Variants in PTPRD observed in about 807,000 individuals in gnomAD.
The protein encoded by PTPRD is protein tyrosine phosphatase receptor type D.
PTPRD carries 34 observed loss-of-function variants against 214.5 expected under a neutral mutation model. The ratio of observed to expected loss-of-function variants is 0.16; its 90% CI spans 0.12 to 0.21. The LOEUF (loss-of-function observed/expected upper bound fraction) is 0.21, where lower values mean the gene tolerates loss of function less well. PTPRD is among the 10% of genes least tolerant of loss of function. The probability of loss-of-function intolerance (pLI) is 1.00; values close to 1 mark genes in which losing one functional copy is unlikely to be tolerated. For missense variants in PTPRD, 2,545 were observed against 2,398.7 expected (o/e 1.06, Z -1.27); for synonymous variants, 1,128 against 845.7 (o/e 1.33, Z -5.79).
chr9:9,381,772 A>G (rs1259313204), intron 9 of PTPRD, among the ~76,000 whole-genome samples: 1 of 150,686 alleles, frequency 6.6e-6, no homozygotes, highest in Non-Finnish European at 1.5e-5. Flanking sequence ...AGTTTGCACT[A>G]TAGCTTTGTT....
chr9:9,126,873 T>G (rs562395837), intron 10 of PTPRD, among the ~76,000 whole-genome samples: 2 of 152,320 alleles, frequency 1.3e-5, no homozygotes, highest in East Asian at 1.9e-4. Flanking sequence ...CATTCACTCT[T>G]TAACCCATTT....
chr9:10,474,437 T>G (rs915775961), intron 2 of PTPRD, among the ~76,000 whole-genome samples: 15 of 151,962 alleles, frequency 9.9e-5, no homozygotes, highest in Admixed American at 3.3e-4. Context: ...AAAGAAGAGC[T>G]AGCTATCCTA....
At chr9:10,503,841 G>C (rs1451273756) in intron 2 of PTPRD, among the ~76,000 whole-genome samples, 1 of 151,884 alleles carries the variant, frequency 6.6e-6, no homozygotes, top group Non-Finnish European at 1.5e-5. Context: ...CGAAGGCTGG[G>C]CGCGGGGGCT....
At chr9:9,417,975 G>C (rs899748703) in intron 8 of PTPRD, among the ~76,000 whole-genome samples, 3 of 151,916 alleles carry the variant, frequency 2.0e-5, no homozygotes, top group Non-Finnish European at 4.4e-5. Flanking sequence ...ATCTGATTTT[G>C]GTTTCACCTG....
At chr9:9,228,475 T>A (rs755358107) in intron 9 of PTPRD, among the ~76,000 whole-genome samples, 19 of 152,142 alleles carry the variant, frequency 1.2e-4, no homozygotes, top group Non-Finnish European at 2.2e-4. Flanking sequence ...TATGTTGATA[T>A]ATACAGTATA....
intron 6 of PTPRD, among the ~76,000 whole-genome samples, chr9:9,738,439 C>CTTTTTTTTTTTTTTTTTTTTT (rs71319292): frequency 1.3e-5 from 1 of 76,518 alleles, no homozygotes; most frequent in African/African-American, 6.4e-5. Flanking sequence ...CACTCACTCA[C>CTTTTTTTTTTTTTTTTTTTTT]TTTTTTTTTT....
intron 12 of PTPRD, among the ~76,000 whole-genome samples, chr9:8,701,775 A>G (rs937394389): frequency 6.6e-6 from 1 of 152,216 alleles, no homozygotes; most frequent in African/African-American, 2.4e-5. Context: ...GAATACTCTG[A>G]TGTGTTTACC....
At chr9:10,394,740 A>C in intron 2 of PTPRD, among the ~76,000 whole-genome samples, 1 of 151,324 alleles carries the variant, frequency 6.6e-6, no homozygotes, top group East Asian at 2.0e-4. Context: ...ACAATGATTT[A>C]AAATAAGCCA....
At chr9:10,593,611 G>A (rs1229098552) in intron 2 of PTPRD, among the ~76,000 whole-genome samples, 1 of 151,772 alleles carries the variant, frequency 6.6e-6, no homozygotes, top group African/African-American at 2.4e-5. Context: ...ATTTATTTAA[G>A]GCTATATCAT....
chr9:8,847,307 C>T (rs1474421465), intron 11 of PTPRD, among the ~76,000 whole-genome samples: 1 of 152,002 alleles, frequency 6.6e-6, no homozygotes, highest in Non-Finnish European at 1.5e-5. Flanking sequence ...TTAAACTTAT[C>T]ATTCTTAATT....
At chr9:8,576,769 T>C (rs1021753572) in intron 14 of PTPRD, among the ~76,000 whole-genome samples, 4 of 152,110 alleles carry the variant, frequency 2.6e-5, no homozygotes, top group East Asian at 1.9e-4. Context: ...TTCACAGATA[T>C]GTTCCCTGCA....
intron 3 of PTPRD, among the ~76,000 whole-genome samples, chr9:10,149,698 T>G (rs1299890102): frequency 2.0e-5 from 3 of 152,064 alleles, no homozygotes; most frequent in Non-Finnish European, 4.4e-5. Flanking sequence ...ACAATTCAAA[T>G]GAATGGTCTG....
chr9:10,542,967 T>C (rs1391641181), intron 2 of PTPRD, among the ~76,000 whole-genome samples: 8 of 152,180 alleles, frequency 5.3e-5, no homozygotes, highest in Admixed American at 2.0e-4. Flanking sequence ...GTCGCACTGG[T>C]CTTGAACTCC....
intron 8 of PTPRD, among the ~76,000 whole-genome samples, chr9:9,407,251 T>C (rs1240803536): frequency 6.6e-6 from 1 of 151,742 alleles, no homozygotes; most frequent in African/African-American, 2.4e-5. Flanking sequence ...CATGATGACA[T>C]CATATATGAT....
chr9:8,524,644 G>A (rs544906976), intron 18 of PTPRD: 3 of 494,846 alleles, frequency 6.1e-6, no homozygotes, highest in East Asian at 3.9e-5. Context: ...CAAATGCAAA[G>A]CACAGTTCAA....
chr9:10,078,298 G>A (rs909823113), intron 3 of PTPRD, among the ~76,000 whole-genome samples: 1 of 149,182 alleles, frequency 6.7e-6, no homozygotes, highest in African/African-American at 2.5e-5. Context: ...AGATTGCGAG[G>A]TCAGAAGTTC....
intron 3 of PTPRD, among the ~76,000 whole-genome samples, chr9:10,326,838 T>C (rs1265652795): frequency 6.6e-6 from 1 of 151,488 alleles, no homozygotes; most frequent in Non-Finnish European, 1.5e-5. Flanking sequence ...TTTGACAATT[T>C]TCTATTTATG....
At chr9:10,611,783 A>G (rs529826178) in intron 2 of PTPRD, among the ~76,000 whole-genome samples, 3 of 152,238 alleles carry the variant, frequency 2.0e-5, no homozygotes, top group African/African-American at 7.2e-5. Context: ...GTTCATTCTA[A>G]TTCTCCAACT....
intron 11 of PTPRD, among the ~76,000 whole-genome samples, chr9:8,809,923 A>T (rs2096766702): frequency 6.6e-6 from 1 of 152,182 alleles, no homozygotes; most frequent in Admixed American, 6.5e-5. Flanking sequence ...AGATGTCATA[A>T]GAGATAAGCT....
Sources: allele counts gnomAD v4.1 joint callset (sites outside exome capture counted in the v4.1 genomes callset), GRCh38; gene constraint gnomAD v4.1.1; transcripts MANE v1.5; gene names NCBI Gene and HGNC (gene_info 2026-07-23, HGNC 2026-07-21).